Variants in CALD1 observed in about 807,000 individuals in gnomAD.
CALD1 encodes the protein caldesmon 1, also known as caldesmon.
In CALD1, 33 loss-of-function variants were observed where a neutral mutation model predicts 99.9. The observed-to-expected ratio is 0.33, with a 90% confidence interval of 0.25 to 0.44. The LOEUF is 0.44. Among genes scored for constraint, CALD1 ranks in the 20% least tolerant of loss-of-function variants. The pLI, the probability that CALD1 is intolerant of heterozygous loss-of-function variation, is 1.00. For missense variants in CALD1, 861 were observed against 962.1 expected, an observed-to-expected ratio of 0.89 and a Z score of 1.39; for synonymous variants, 310 against 325.0, an observed-to-expected ratio of 0.95 and a Z score of 0.50.
chr7:134,725,460 G>T, the CALD1 span, among the ~76,000 whole-genome samples: 1 of 152,184 alleles, frequency 6.6e-6, no homozygotes, highest in African/African-American at 2.4e-5. Flanking sequence ...TTTAGGGCAG[G>T]ATTTGCAATT....
chr7:134,903,723 T>C lies in CALD1; in HGVS notation c.72-25031T>C, dbSNP rs1219749456. ...TGTCCCCTTTTGATAAGGACATCAG[T>C]CATATTGGATTAGAACCCACCCTGA... is the stretch of plus-strand genomic sequence containing the variant. On this transcript the variant is annotated intron_variant, in intron 3 of 14. Transcript: ENST00000361675. Among the ~76,000 whole-genome samples, 3 of 152,220 alleles carry C rather than the reference T, an allele frequency of 2.0e-5. No individual in the cohort carries two copies. The East Asian group carries it at 5.8e-4, about 29-fold the overall frequency.
chr7:134,873,896 T>A (rs1193573712), intron 3 of CALD1, among the ~76,000 whole-genome samples: 3 of 152,196 alleles, frequency 2.0e-5, no homozygotes, highest in Admixed American at 2.0e-4. Flanking sequence ...TCATTATTAA[T>A]TATTATTATT....
intron 5 of CALD1, among the ~76,000 whole-genome samples, chr7:134,935,453 T>G (rs1013663289): frequency 2.6e-5 from 4 of 151,868 alleles, no homozygotes; most frequent in Non-Finnish European, 4.4e-5. Flanking sequence ...ACACGAGGAG[T>G]GCCACATCAT....
chr7:134,848,178 A>ATT (rs3837076), intron 2 of CALD1, among the ~76,000 whole-genome samples: 7 of 151,288 alleles, frequency 4.6e-5, no homozygotes, highest in African/African-American at 1.2e-4. Context: ...TTAAATCTGG[A>ATT]TTTTTTTTTA....
chr7:134,921,722 G>C (rs1342596366), intron 3 of CALD1, among the ~76,000 whole-genome samples: 1 of 152,152 alleles, frequency 6.6e-6, no homozygotes, highest in Non-Finnish European at 1.5e-5. Context: ...TGAGACACAA[G>C]AATTACTTGA....
intron 8 of CALD1, chr7:134,948,223 C>CT (rs879472371): frequency 0.011 from 1,493 of 141,782 alleles, 5 homozygotes; most frequent in Non-Finnish European, 0.011. Context: ...TTTTTTAAAT[C>CT]TTTTTTTTTT....
chr7:134,946,640 C>T (rs1806893691), intron 7 of CALD1, among the ~76,000 whole-genome samples: 1 of 151,528 alleles, frequency 6.6e-6, no homozygotes, highest in Non-Finnish European at 1.5e-5. Context: ...AAGGTTTATC[C>T]ATGTTGTAAC....
intron 3 of CALD1, among the ~76,000 whole-genome samples, chr7:134,870,328 G>A (rs1001613976): frequency 2.6e-5 from 4 of 152,192 alleles, no homozygotes; most frequent in African/African-American, 7.2e-5. Context: ...TCCTTTCCAC[G>A]TGAACAGGGG....
At chr7:134,900,993 T>C (rs1006537798) in intron 3 of CALD1, among the ~76,000 whole-genome samples, 12 of 152,258 alleles carry the variant, frequency 7.9e-5, no homozygotes, top group East Asian at 1.9e-4. Context: ...GATGGAGTTA[T>C]CTCGTTGGCT....
intron 1 of CALD1, among the ~76,000 whole-genome samples, chr7:134,790,871 A>T (rs774765374): frequency 9.2e-5 from 14 of 152,160 alleles, no homozygotes; most frequent in Non-Finnish European, 1.8e-4. Context: ...TTGGTGTTTG[A>T]TTATGTCAAA....
intron 6 of CALD1, among the ~76,000 whole-genome samples, chr7:134,940,820 T>C (rs1009338294): frequency 6.6e-6 from 1 of 152,164 alleles, no homozygotes; most frequent in Non-Finnish European, 1.5e-5. Context: ...TTCCAAACAA[T>C]AGTACTACCA....
chr7:134,742,356 G>C (rs1796598970), upstream of CALD1, among the ~76,000 whole-genome samples: 2 of 152,226 alleles, frequency 1.3e-5, no homozygotes, highest in South Asian at 4.1e-4. Context: ...GATCACCCTT[G>C]GAGAATGCTT....
chr7:134,787,877 T>C (rs1016735351), intron 1 of CALD1, among the ~76,000 whole-genome samples: 13 of 152,140 alleles, frequency 8.5e-5, no homozygotes, highest in African/African-American at 3.1e-4. Flanking sequence ...TTTGTACCCA[T>C]GCTCTTCGGT....
the CALD1 span, among the ~76,000 whole-genome samples, chr7:134,726,971 G>A: frequency 2.0e-5 from 3 of 152,240 alleles, no homozygotes; most frequent in Non-Finnish European, 4.4e-5. Flanking sequence ...CAGTACTGCC[G>A]CCAACCTCCA....
intron 1 of CALD1, among the ~76,000 whole-genome samples, chr7:134,762,824 A>G (rs1406186019): frequency 6.6e-6 from 1 of 152,234 alleles, no homozygotes; most frequent in Non-Finnish European, 1.5e-5. Context: ...TTACAACTGG[A>G]CATGAGATTT....
chr7:134,757,033 T>C (rs1360174939), intron 1 of CALD1, among the ~76,000 whole-genome samples: 5 of 152,220 alleles, frequency 3.3e-5, no homozygotes. Flanking sequence ...TTTTAAGGCA[T>C]ATGGTATTAG....
intron 3 of CALD1, chr7:134,899,918 A>T (rs1049440842): frequency 6.6e-6 from 1 of 152,228 alleles, no homozygotes; most frequent in Admixed American, 6.5e-5. Context: ...AAGTGTAGAG[A>T]TTACAGACAT....
intron 1 of CALD1, among the ~76,000 whole-genome samples, chr7:134,756,272 C>CAAAAA (rs36011477): frequency 0.13 from 9,772 of 75,212 alleles, 738 homozygotes; most frequent in Non-Finnish European, 0.17. Context: ...GACTTTGTCT[C>CAAAAA]AAAAAAAAAA....
intron 9 of CALD1, among the ~76,000 whole-genome samples, chr7:134,954,840 A>C (rs889322507): frequency 1.3e-5 from 2 of 152,198 alleles, no homozygotes; most frequent in Non-Finnish European, 2.9e-5. Flanking sequence ...GCTTTGCCAG[A>C]AATGCCCTTT....
Sources: allele counts gnomAD v4.1 joint callset (sites outside exome capture counted in the v4.1 genomes callset), GRCh38; gene constraint gnomAD v4.1.1; transcripts MANE v1.5; gene names NCBI Gene and HGNC (gene_info 2026-07-23, HGNC 2026-07-21).